The following STPG2 variants were observed in gnomAD, a reference collection of about 807,000 sequenced individuals.
The protein encoded by STPG2 is sperm tail PG-rich repeat containing 2.
A neutral mutation model predicts 54.2 loss-of-function variants in STPG2; 56 were observed. The ratio of observed to expected loss-of-function variants is 1.03; its 90% CI spans 0.83 to 1.29. The LOEUF (loss-of-function observed/expected upper bound fraction) is 1.29, where lower values mean the gene tolerates loss of function less well. Among genes scored for constraint, STPG2 ranks in the 50% most tolerant of loss-of-function variants. STPG2 has a pLI of 0.00. For missense variants in STPG2, 596 were observed against 544.9 expected (o/e 1.09, Z -0.93); for synonymous variants, 200 against 181.8 (o/e 1.10, Z -0.81).
At chr4:97,625,379 CG>C in intron 10 of STPG2, among the ~76,000 whole-genome samples, 1 of 152,254 alleles carries the variant, frequency 6.6e-6, no homozygotes, top group South Asian at 2.1e-4. Context: ...GGCACAATCT[CG>C]GCCCATGCAA....
chr4:97,997,960 A>G (rs1735295878), intron 5 of STPG2, among the ~76,000 whole-genome samples: 2 of 152,214 alleles, frequency 1.3e-5, no homozygotes, highest in South Asian at 4.1e-4. Context: ...CCGACTGCCT[A>G]TGAAGAAGAT....
chr4:97,575,752 A>G (rs1427738133), intron 10 of STPG2, among the ~76,000 whole-genome samples: 1 of 152,150 alleles, frequency 6.6e-6, no homozygotes, highest in Non-Finnish European at 1.5e-5. Context: ...ATAGTACTAG[A>G]AGTCCTAGCC....
intron 8 of STPG2, among the ~76,000 whole-genome samples, chr4:97,912,992 T>A (rs779693439): frequency 1.3e-4 from 20 of 152,210 alleles, no homozygotes; most frequent in Non-Finnish European, 2.4e-4. Flanking sequence ...TGATAGCTTC[T>A]AACAAAAAGT....
rs112740740 is a variant in STPG2, at chr4:97,550,456, G to A, written c.462+162243C>T. 3.9e-4 allele frequency among the ~76,000 whole-genome samples: 60 copies of A among 152,140 alleles called. No individual in the cohort carries two copies. The East Asian group carries it at 4.8e-3, about 12-fold the overall frequency. Reference sequence around the variant, plus strand: ...GCATGTGTGGAGTGAAAAAGGATACGGGGAAGAGTGGTTTGGGCTTATAAT... The same window carrying A: ...GCATGTGTGGAGTGAAAAAGGATACAGGGAAGAGTGGTTTGGGCTTATAAT... On this transcript the variant is annotated intron_variant, in intron 4 of 4. Transcript: ENST00000522676.
intron 7 of STPG2, among the ~76,000 whole-genome samples, chr4:97,958,793 C>A (rs754579121): frequency 6.6e-6 from 1 of 152,126 alleles, no homozygotes; most frequent in East Asian, 1.9e-4. Flanking sequence ...CAGTACTTCA[C>A]GCACAGCACT....
At chr4:97,848,092 T>C (rs989507763) in intron 8 of STPG2, among the ~76,000 whole-genome samples, 1 of 152,160 alleles carries the variant, frequency 6.6e-6, no homozygotes, top group Admixed American at 6.5e-5. Flanking sequence ...CCAGTGCCTA[T>C]GGGAAAAACT....
At chr4:97,870,172 G>T (rs1729935291) in intron 8 of STPG2, among the ~76,000 whole-genome samples, 1 of 151,428 alleles carries the variant, frequency 6.6e-6, no homozygotes, top group South Asian at 2.1e-4. Context: ...AACACAATAT[G>T]TATGTTCTTG....
At chr4:97,684,605 C>T (rs1021017121) in intron 10 of STPG2, among the ~76,000 whole-genome samples, 27 of 151,874 alleles carry the variant, frequency 1.8e-4, no homozygotes, top group Non-Finnish European at 4.4e-5. Flanking sequence ...CAAAATGGAT[C>T]GTAGACCTAA....
chr4:97,788,791 A>G (rs1337315531), intron 9 of STPG2, among the ~76,000 whole-genome samples: 2 of 151,970 alleles, frequency 1.3e-5, no homozygotes, highest in African/African-American at 4.8e-5. Flanking sequence ...AATTCCTGAT[A>G]TTATATAGTT....
chr4:97,844,250 TA>T (rs1040809861), intron 8 of STPG2, among the ~76,000 whole-genome samples: 1 of 151,822 alleles, frequency 6.6e-6, no homozygotes, highest in Admixed American at 6.6e-5. Context: ...CAGCAACAAG[TA>T]AACCCCTCAG....
chr4:98,139,567 G>C (rs1273488749), intron 1 of STPG2, among the ~76,000 whole-genome samples: 1 of 152,086 alleles, frequency 6.6e-6, no homozygotes, highest in Non-Finnish European at 1.5e-5. Context: ...TTGTACCTAG[G>C]AAAGAGATGG....
intron 10 of STPG2, among the ~76,000 whole-genome samples, chr4:97,599,032 T>C (rs567452136): frequency 1.3e-5 from 2 of 152,208 alleles, no homozygotes; most frequent in Admixed American, 6.5e-5. Flanking sequence ...AGGTCTAATA[T>C]CCAGCATCTA....
chr4:97,551,012 G>A (rs1731953960), intron 4 of STPG2, among the ~76,000 whole-genome samples: 1 of 144,152 alleles, frequency 6.9e-6, no homozygotes, highest in African/African-American at 2.9e-5. Context: ...CACGTGGAAG[G>A]GGACCCCATT....
intron 9 of STPG2, among the ~76,000 whole-genome samples, chr4:97,723,045 C>T (rs1724505503): frequency 1.3e-5 from 2 of 150,676 alleles, no homozygotes. Context: ...ATCTCCTGAC[C>T]TCTTGATCCG....
chr4:97,912,105 G>A (rs778236516), intron 8 of STPG2, among the ~76,000 whole-genome samples: 2 of 151,782 alleles, frequency 1.3e-5, no homozygotes, highest in Admixed American at 6.6e-5. Flanking sequence ...GCAGAAGAGC[G>A]GCCTGTTAGA....
intron 10 of STPG2, among the ~76,000 whole-genome samples, chr4:97,644,868 C>A (rs910952582): frequency 6.6e-6 from 1 of 151,976 alleles, no homozygotes; most frequent in East Asian, 1.9e-4. Flanking sequence ...TCCCTCTTCT[C>A]AAACACAGAT....
chr4:97,680,905 T>C (rs1408509165), intron 10 of STPG2, among the ~76,000 whole-genome samples: 1 of 152,008 alleles, frequency 6.6e-6, no homozygotes, highest in African/African-American at 2.4e-5. Context: ...CAGCTAATAA[T>C]AGAAAGGAAG....
chr4:97,519,571 A>C (rs1731140446), intron 4 of STPG2, among the ~76,000 whole-genome samples: 1 of 152,094 alleles, frequency 6.6e-6, no homozygotes, highest in Non-Finnish European at 1.5e-5. Context: ...ATCATAATGA[A>C]GGACATTGTA....
rs536138629 is a variant in STPG2 at position 98,124,007 on chromosome 4, CT to C, written c.387+4420del. On this transcript the variant is annotated intron_variant, in intron 3 of 10. Transcript: ENST00000295268. ...TCAGAAACTAGGATTACAACCCTTG[CT>C]TTTTTCTGTTTTCCATTAGCTTGGT... Among the ~76,000 whole-genome samples the C allele has an allele frequency of 3.1e-3, 469 of 152,198 alleles. 4 individuals are homozygous for C. The highest frequency in any genetic ancestry group is 0.012 in the South Asian group (59 of 4,826).
Sources: allele counts gnomAD v4.1 joint callset (sites outside exome capture counted in the v4.1 genomes callset), GRCh38; gene constraint gnomAD v4.1.1; transcripts MANE v1.5; gene names NCBI Gene and HGNC (gene_info 2026-07-23, HGNC 2026-07-21).